Variants in EXOC6B observed in about 807,000 individuals in gnomAD.
EXOC6B encodes SEC15 homolog B.
In EXOC6B, 54 loss-of-function variants were observed where a neutral mutation model predicts 113.5. The observed-to-expected ratio is 0.48, with a 90% confidence interval of 0.38 to 0.60. The LOEUF is 0.60. Among genes scored for constraint, EXOC6B ranks in the 20% least tolerant of loss-of-function variants. The probability of loss-of-function intolerance (pLI) is 0.00; values close to 1 mark genes in which losing one functional copy is unlikely to be tolerated. For missense variants in EXOC6B, 797 were observed against 977.5 expected (o/e 0.82, Z 2.46); for synonymous variants, 357 against 339.0 (o/e 1.05, Z -0.58).
chr2:72,300,482 C>A (rs999074840), intron 20 of EXOC6B, among the ~76,000 whole-genome samples: 1 of 152,212 alleles, frequency 6.6e-6, no homozygotes, highest in Admixed American at 6.5e-5. Context: ...ACCCACCAAG[C>A]CAGACCACGT....
intron 1 of EXOC6B, among the ~76,000 whole-genome samples, chr2:72,781,858 G>T (rs1684059374): frequency 6.6e-6 from 1 of 152,044 alleles, no homozygotes; most frequent in Admixed American, 6.5e-5. Context: ...GAGTATATAG[G>T]CCAGGCGCAG....
chr2:72,589,615 C>T (rs576950060), intron 6 of EXOC6B, among the ~76,000 whole-genome samples: 214 of 151,962 alleles, frequency 1.4e-3, no homozygotes, highest in African/African-American at 5.0e-3. Flanking sequence ...GGTAATTTGG[C>T]TCCAAGTGAT....
At chr2:72,605,065 A>T (rs138241799) in intron 6 of EXOC6B, among the ~76,000 whole-genome samples, 3 of 151,966 alleles carry the variant, frequency 2.0e-5, no homozygotes, top group African/African-American at 7.2e-5. Context: ...AGGGTGGATT[A>T]TGAGGTCGGG....
At chr2:72,385,285 G>A (rs1256248478) in intron 18 of EXOC6B, among the ~76,000 whole-genome samples, 1 of 152,010 alleles carries the variant, frequency 6.6e-6, no homozygotes, top group Non-Finnish European at 1.5e-5. Flanking sequence ...AAATGGTGCT[G>A]AGGAAACTAG....
chr2:72,735,227 T>C (rs753692173), intron 2 of EXOC6B, among the ~76,000 whole-genome samples: 6 of 152,316 alleles, frequency 3.9e-5, no homozygotes, highest in Middle Eastern at 3.4e-3. Flanking sequence ...AGAGTAGCCT[T>C]GTTTGCCTTA....
intron 20 of EXOC6B, among the ~76,000 whole-genome samples, chr2:72,265,531 A>G (rs1684018477): frequency 1.3e-5 from 2 of 150,698 alleles, no homozygotes; most frequent in African/African-American, 2.4e-5. Context: ...GCGATAGTTT[A>G]CTGAGAATGA....
intron 6 of EXOC6B, among the ~76,000 whole-genome samples, chr2:72,686,740 G>A (rs892941609): frequency 1.3e-5 from 2 of 152,100 alleles, no homozygotes; most frequent in Non-Finnish European, 2.9e-5. Context: ...GACTACAAAA[G>A]AAGAAGCCCA....
chr2:72,449,018 C>G (rs889642829), intron 18 of EXOC6B, among the ~76,000 whole-genome samples: 2 of 152,186 alleles, frequency 1.3e-5, no homozygotes, highest in African/African-American at 2.4e-5. Flanking sequence ...ATAAAACAAG[C>G]CTATTGTTTC....
Position 72,351,504 on chromosome 2 carries a change from T to G in EXOC6B, c.2123-16484A>C, listed in dbSNP as rs184752409. On this transcript the variant is annotated intron_variant, in intron 19 of 21. Coordinates refer to ENST00000272427, the MANE Select transcript of EXOC6B (RefSeq NM_015189.3). ...AACTGCAATCTGGTTTACACCACCC[T>G]ACTTCCACTAAAAGTACTCTTTCTT... is the stretch of plus-strand genomic sequence containing the variant. Among the ~76,000 whole-genome samples the G allele has an allele frequency of 4.6e-3, 698 of 152,342 alleles. 3 individuals are homozygous for G. The highest frequency in any genetic ancestry group is 0.016 in the African/African-American group (663 of 41,580).
At chr2:72,421,809 C>T (rs993838282) in intron 18 of EXOC6B, among the ~76,000 whole-genome samples, 4 of 152,236 alleles carry the variant, frequency 2.6e-5, no homozygotes, top group Non-Finnish European at 5.9e-5. Context: ...ACTCCCTCAG[C>T]TTGCAGCGAG....
intron 6 of EXOC6B, among the ~76,000 whole-genome samples, chr2:72,579,814 A>G (rs1167786501): frequency 1.3e-5 from 2 of 152,188 alleles, no homozygotes; most frequent in Non-Finnish European, 2.9e-5. Context: ...CCTTTAGAAT[A>G]AGAAACTAGT....
In EXOC6B at chr2:72,652,309, G is replaced by C. The variant is rs2104407478; in HGVS notation, c.669+65794C>G. ...CATCTGGCAACCATGCAGTATTTGA[G>C]AAAATGTTAGTGTTCTAATTGAAAT... is the stretch of plus-strand genomic sequence containing the variant. On this transcript the variant is annotated intron_variant, in intron 6 of 21. Coordinates refer to ENST00000272427, the MANE Select transcript of EXOC6B (RefSeq NM_015189.3). 2.6e-5 allele frequency among the ~76,000 whole-genome samples: 4 copies of C among 152,200 alleles called. No homozygotes were observed. The Middle Eastern group carries it at 0.01, about 391-fold the overall frequency.
At chr2:72,763,506 C>T (rs565436408) in intron 1 of EXOC6B, among the ~76,000 whole-genome samples, 1 of 151,656 alleles carries the variant, frequency 6.6e-6, no homozygotes, top group African/African-American at 2.4e-5. Context: ...TGGCTCACTG[C>T]ACACCTCCCA....
intron 5 of EXOC6B, among the ~76,000 whole-genome samples, chr2:72,727,333 T>G (rs1486642706): frequency 6.6e-6 from 1 of 152,082 alleles, no homozygotes; most frequent in Non-Finnish European, 1.5e-5. Context: ...GATGGCCAGA[T>G]GAGAGATTTT....
At chr2:72,445,143 G>A (rs1312275824) in intron 18 of EXOC6B, among the ~76,000 whole-genome samples, 1 of 152,148 alleles carries the variant, frequency 6.6e-6, no homozygotes, top group African/African-American at 2.4e-5. Context: ...GAAGTTCAAA[G>A]TTCCACAAAT....
intron 20 of EXOC6B, among the ~76,000 whole-genome samples, chr2:72,321,530 T>C (rs1336656728): frequency 9.3e-6 from 1 of 107,970 alleles, no homozygotes; most frequent in Non-Finnish European, 1.8e-5. Context: ...AGAGACTCCG[T>C]CTCAAAAAAA....
At chr2:72,535,943 C>T (rs952743497) in intron 8 of EXOC6B, among the ~76,000 whole-genome samples, 1 of 151,830 alleles carries the variant, frequency 6.6e-6, no homozygotes, top group Admixed American at 6.6e-5. Flanking sequence ...GATGTTCAGG[C>T]TAAAAGTAGT....
intron 6 of EXOC6B, among the ~76,000 whole-genome samples, chr2:72,610,731 A>T (rs1417809635): frequency 6.6e-6 from 1 of 152,144 alleles, no homozygotes; most frequent in Non-Finnish European, 1.5e-5. Context: ...GTTTACATAG[A>T]TACCACAGCC....
At chr2:72,801,992 T>G (rs1054554675) in intron 1 of EXOC6B, among the ~76,000 whole-genome samples, 2 of 152,172 alleles carry the variant, frequency 1.3e-5, no homozygotes, top group Non-Finnish European at 2.9e-5. Context: ...TTCTTGGAAT[T>G]CATAATAAGA....
Sources: allele counts gnomAD v4.1 joint callset (sites outside exome capture counted in the v4.1 genomes callset), GRCh38; gene constraint gnomAD v4.1.1; transcripts MANE v1.5; gene names NCBI Gene and HGNC (gene_info 2026-07-23, HGNC 2026-07-21).